MAP2K7: variants seen among roughly 807,000 people sequenced by gnomAD.
MAP2K7 encodes the protein mitogen-activated protein kinase kinase 7.
MAP2K7 carries 12 observed loss-of-function variants against 47.7 expected under a neutral mutation model. The observed-to-expected ratio is 0.25, with a 90% CI of 0.16 to 0.41. The LOEUF is 0.41. Among genes scored for constraint, MAP2K7 ranks in the 10% least tolerant of loss-of-function variants. MAP2K7 has a pLI of 1.00. For synonymous variants in MAP2K7, 299 were observed against 243.0 expected (o/e 1.23, Z -2.14); for missense variants, 415 against 600.3 (o/e 0.69, Z 3.23).
intron 5 of MAP2K7, 38 bp from the exon 6 acceptor site, chr19:7,910,658 G>A (rs766782754): frequency 7.2e-5 from 116 of 1,606,390 alleles, no homozygotes; most frequent in Middle Eastern, 6.6e-4. Context: ...GGGGTGGGCC[G>A]GAAGACACAG....
intron 1 of MAP2K7, among the ~76,000 whole-genome samples, chr19:7,904,300 A>G (rs116836415): frequency 7.2e-5 from 11 of 152,080 alleles, no homozygotes; most frequent in African/African-American, 2.4e-4. Context: ...TCCCGGACCC[A>G]GGCGAGGCCC....
At chr19:7,908,220 AG>A (rs1270823889) in intron 1 of MAP2K7, among the ~76,000 whole-genome samples, 1 of 151,176 alleles carries the variant, frequency 6.6e-6, no homozygotes. Flanking sequence ...GGCAGTGGCC[AG>A]GACAGCGGGA....
chr19:7,905,673 T>G, intron 1 of MAP2K7: 2 of 755,008 alleles, frequency 2.6e-6, no homozygotes. Context: ...TCTCTGTCGG[T>G]TCCTAGCCAT....
intron 1 of MAP2K7, among the ~76,000 whole-genome samples, chr19:7,905,529 C>T (rs1388375250): frequency 1.3e-5 from 2 of 152,176 alleles, no homozygotes; most frequent in Non-Finnish European, 2.9e-5. Flanking sequence ...GGGTTGAGTC[C>T]AGGATCCCGG....
chr19:7,911,516 G>T lies in MAP2K7; in HGVS notation c.1017G>T (p.Glu339Asp), dbSNP rs1417048704. The change falls in exon 9 of 11, where the codon GAG (glutamate) becomes GAT (aspartate). Residue 339 changes from glutamate to aspartate, a missense_variant. Around this residue, in one of 3 missense-constraint regions of MAP2K7, gnomAD observed 206 missense variants for 368.8 expected, o/e 0.56. Transcript: ENST00000397979. The stretch of plus-strand genomic sequence containing the variant: ...TCCTCACCAAAGTCCTACAGGAAGA[G>T]CCCCCGCTTCTGCCCGGACACATGG... ...FEVLTKVLQE[E>D]PPLLPGHMGF... The T allele has an allele frequency of 6.2e-7, 1 of 1,612,610 alleles. No homozygotes were observed. Among genetic ancestry groups the T allele is most frequent in the African/African-American group, 1.3e-5 (1 of 75,026 alleles).
At chr19:7,905,777 T>A in intron 1 of MAP2K7, 1 of 1,562,160 alleles carries the variant, frequency 6.4e-7, no homozygotes. Context: ...TTTATCGTGG[T>A]GTTGTTTTTT....
chr19:7,908,591 GGA>G (rs1417782558), intron 1 of MAP2K7, among the ~76,000 whole-genome samples: 2 of 152,132 alleles, frequency 1.3e-5, no homozygotes, highest in East Asian at 3.9e-4. Context: ...GGAAAAGAGG[GGA>G]GAGGGGCTTG....
At chr19:7,905,782 T>C in intron 1 of MAP2K7, 2 of 1,604,278 alleles carry the variant, frequency 1.2e-6, no homozygotes, top group South Asian at 2.2e-5. Flanking sequence ...CGTGGTGTTG[T>C]TTTTTTCTTC....
At chr19:7,907,399 C>T (rs909884052) in intron 1 of MAP2K7, among the ~76,000 whole-genome samples, 3 of 152,192 alleles carry the variant, frequency 2.0e-5, no homozygotes, top group Non-Finnish European at 4.4e-5. Context: ...GTTGTGCGTG[C>T]GTGCACTTGC....
Position 7,903,959 on chromosome 19 carries a change from C to T in MAP2K7, c.15C>T (p.Ser5=). ...CGGCGGGGAAGATGGCGGCGTCCTC[C>T]CTGGAACAGAAGCTGTCCCGCCTGG... The part of the protein sequence containing the change: MAAS[S]LEQKLSRLEA... Residue 5 remains serine, a synonymous_variant, in exon 1 of 11, where the codon TCC becomes TCT. Coordinates refer to ENST00000397979, the MANE Select transcript of MAP2K7 (RefSeq NM_145185.4). 1 of 1,548,592 alleles carries T rather than the reference C, an allele frequency of 6.5e-7. No individual in the cohort carries two copies.
chr19:7,909,280 C>G (rs1035323467), intron 1 of MAP2K7, among the ~76,000 whole-genome samples: 3 of 152,224 alleles, frequency 2.0e-5, no homozygotes, highest in African/African-American at 7.2e-5. Flanking sequence ...TGGCCCTGCT[C>G]GCTCTTGTCT....
chr19:7,910,175 C>G, intron 3 of MAP2K7, 46 bp downstream of exon 3: 1 of 1,593,790 alleles, frequency 6.3e-7, no homozygotes, highest in Non-Finnish European at 8.6e-7. Flanking sequence ...CCCAGCCAGG[C>G]TGGACCCATC....
At chr19:7,904,220 A>C in intron 1 of MAP2K7, 152 bp downstream of exon 1, 1 of 644,288 alleles carries the variant, frequency 1.6e-6, no homozygotes, top group African/African-American at 2.0e-5. Flanking sequence ...GGCGAGGGTC[A>C]CGGTGACCCG....
intron 6 of MAP2K7, 21 bp from the exon 7 acceptor site, chr19:7,910,959 C>T (rs772208154): frequency 1.4e-5 from 22 of 1,599,636 alleles, no homozygotes; most frequent in Non-Finnish European, 1.7e-5. Flanking sequence ...GCCACATGCA[C>T]CCCCCTCTGC....
rs1982253451 is a variant in MAP2K7 at position 7,903,946 on chromosome 19, TGGC to T, written c.7_9del (p.Ala3?). The T allele has an allele frequency of 6.5e-7, 1 of 1,527,718 alleles. No homozygotes were observed. The highest frequency in any genetic ancestry group is 8.8e-7 in the Non-Finnish European group (1 of 1,138,554). 94.6% of individuals were successfully genotyped at this position (1,527,718 alleles called of 1,614,324 possible). A position where few individuals can be genotyped will look rare whatever the true frequency, so the allele number is the denominator to read the frequency against. On this transcript the variant is annotated start_lost and inframe_deletion, in exon 1 of 11. Transcript: ENST00000397979. ...GCGGCGGCGGTGGCGGCGGGGAAGA[TGGC>T]GGCGTCCTCCCTGGAACAGAAGCTG...
At position 7,910,681 on chromosome 19, in the gene MAP2K7, C is replaced by A. The variant is rs933403711; in HGVS notation, c.568-15C>A. The stretch of plus-strand genomic sequence containing the variant: ...CCGGAAGACACAGCTCCCCCGGGTG[C>A]CCCTCTCCCTGCAGACGGACGTCTT... On this transcript the variant is annotated splice_polypyrimidine_tract_variant and intron_variant, in intron 5 of 10. Transcript: ENST00000397979. The A allele has an allele frequency of 6.2e-7, 1 of 1,606,798 alleles. No homozygotes were observed. Among genetic ancestry groups the A allele is most frequent in the Non-Finnish European group, 8.5e-7 (1 of 1,175,592 alleles).
Position 7,911,337 on chromosome 19 carries a change from TG to T in MAP2K7, c.936+11del. On this transcript the variant is annotated splice_region_variant and intron_variant, in intron 8 of 10. Coordinates refer to ENST00000397979, the MANE Select transcript of MAP2K7 (RefSeq NM_145185.4). ...GAGCCTGGGCATCTCGTTGGTGAGT[TG>T]GGGCCCTCCCCTGTTCTCCAGCCAG... 4 of 1,613,294 alleles carry T rather than the reference TG, an allele frequency of 2.5e-6. No individual in the cohort carries two copies. Among genetic ancestry groups the T allele is most frequent in the Non-Finnish European group, 3.4e-6 (4 of 1,179,974 alleles).
Position 7,911,015 on chromosome 19 carries a change from C to T in MAP2K7, c.711C>T (p.His237=), listed in dbSNP as rs756020181. 36 of 1,612,406 alleles carry T rather than the reference C, an allele frequency of 2.2e-5. No homozygotes were observed. The highest frequency in any genetic ancestry group is 1.6e-4 in the Middle Eastern group (1 of 6,084). Reference sequence around the variant, plus strand: ...CGCTGTACTACCTGAAGGAGAAGCACGGTGTCATCCACCGCGACGTCAAGC... The same window carrying T: ...CGCTGTACTACCTGAAGGAGAAGCATGGTGTCATCCACCGCGACGTCAAGC... ...VKALYYLKEK[H]GVIHRDVKPS... The change falls in exon 7 of 11, where the codon CAC becomes CAT. Residue 237 remains histidine (H), a synonymous_variant. Transcript: ENST00000397979.
In MAP2K7 at chr19:7,912,432, C is replaced by T. The variant is rs767820678; in HGVS notation, c.*1C>T. ...GCCCCACCTGCCCTTCTTCAGGTAG[C>T]TGCTTGGCGGCGGCCAGCCCCACAG... On this transcript the variant is annotated 3_prime_UTR_variant, in exon 11 of 11. Coordinates refer to ENST00000397979, the MANE Select transcript of MAP2K7 (RefSeq NM_145185.4). 35 of 1,610,086 alleles carry T rather than the reference C, an allele frequency of 2.2e-5. No homozygotes were observed. The highest frequency in any genetic ancestry group is 3.0e-5 in the Non-Finnish European group (35 of 1,179,434).
Sources: allele counts gnomAD v4.1 joint callset (sites outside exome capture counted in the v4.1 genomes callset), GRCh38; gene constraint gnomAD v4.1.1; regional missense constraint gnomAD v4.1.1; transcripts MANE v1.5; gene names NCBI Gene and HGNC (gene_info 2026-07-23, HGNC 2026-07-21).